Variants in ZCCHC7 observed in about 807,000 individuals in gnomAD.
ZCCHC7 encodes zinc finger CCHC-type containing 7.
In ZCCHC7, 35 loss-of-function variants were observed where a neutral mutation model predicts 52.0. The ratio of observed to expected loss-of-function variants is 0.67; its 90% CI spans 0.51 to 0.89. The LOEUF (loss-of-function observed/expected upper bound fraction) is 0.89. ZCCHC7 is among the 40% of genes least tolerant of loss of function. The probability of loss-of-function intolerance (pLI) is 0.00; values close to 1 mark genes in which losing one functional copy is unlikely to be tolerated. For synonymous variants in ZCCHC7, 217 were observed against 221.5 expected, an observed-to-expected ratio of 0.98 and a Z score of 0.18; for missense variants, 574 against 649.1, an observed-to-expected ratio of 0.88 and a Z score of 1.26.
chr9:37,277,650 A>G (rs1588597846), intron 2 of ZCCHC7, among the ~76,000 whole-genome samples: 1 of 152,188 alleles, frequency 6.6e-6, no homozygotes, highest in Admixed American at 6.5e-5. Context: ...TGGCTACACC[A>G]TGGGGGTGAT....
intron 2 of ZCCHC7, among the ~76,000 whole-genome samples, chr9:37,160,712 C>G (rs776781219): frequency 6.6e-6 from 1 of 151,924 alleles, no homozygotes; most frequent in Non-Finnish European, 1.5e-5. Context: ...GTGTTGAAAC[C>G]CCGTCTGTAC....
At chr9:37,321,846 C>T (rs180751462) in intron 5 of ZCCHC7, among the ~76,000 whole-genome samples, 7 of 152,116 alleles carry the variant, frequency 4.6e-5, no homozygotes, top group African/African-American at 9.7e-5. Context: ...TAGTTTAAAA[C>T]TTCTGGTTCC....
At chr9:37,155,768 G>A (rs980384015) in intron 2 of ZCCHC7, among the ~76,000 whole-genome samples, 6 of 152,186 alleles carry the variant, frequency 3.9e-5, no homozygotes, top group African/African-American at 1.2e-4. Flanking sequence ...TTCTCTTTAA[G>A]TAGTACAGAT....
chr9:37,209,330 A>G (rs969994190), intron 2 of ZCCHC7, among the ~76,000 whole-genome samples: 6 of 151,712 alleles, frequency 4.0e-5, no homozygotes, highest in Admixed American at 6.6e-5. Context: ...ATGAGCCACC[A>G]CGCCTGGCCA....
At position 37,164,578 on chromosome 9, in the gene ZCCHC7, GAAAGA is replaced by G. The variant is rs1456812845; in HGVS notation, c.610+37648_610+37652del. 3.9e-5 allele frequency among the ~76,000 whole-genome samples: 6 copies of G among 152,016 alleles called. 1 individual carries two copies. The South Asian group carries it at 6.2e-4, about 16-fold the overall frequency. ...GAGAAAGAAAAGAAAAGAGAGAAGA[GAAAGA>G]AAAGAAAAGAAGAAAAGAAACAGGG... On this transcript the variant is annotated intron_variant, in intron 2 of 8. Coordinates refer to ENST00000336755, the MANE Select transcript of ZCCHC7 (RefSeq NM_032226.3).
intron 2 of ZCCHC7, among the ~76,000 whole-genome samples, chr9:37,209,760 G>A (rs1045576551): frequency 1.3e-5 from 2 of 152,188 alleles, no homozygotes; most frequent in African/African-American, 4.8e-5. Flanking sequence ...AGCAGCATTA[G>A]GACTCTGGAG....
chr9:37,353,579 A>G (rs1821521146), intron 7 of ZCCHC7, among the ~76,000 whole-genome samples: 1 of 152,230 alleles, frequency 6.6e-6, no homozygotes, highest in Non-Finnish European at 1.5e-5. Context: ...GATTTCAGCT[A>G]TATCAGTAAT....
intron 2 of ZCCHC7, among the ~76,000 whole-genome samples, chr9:37,178,591 T>C (rs1220451620): frequency 1.3e-5 from 2 of 152,204 alleles, no homozygotes; most frequent in East Asian, 1.9e-4. Context: ...CTTATAGTTA[T>C]GATATAAAAG....
intron 2 of ZCCHC7, among the ~76,000 whole-genome samples, chr9:37,176,550 A>G (rs1822042631): frequency 6.6e-6 from 1 of 151,880 alleles, no homozygotes. Flanking sequence ...ATATATGTCA[A>G]TATATTTTGG....
intron 6 of ZCCHC7, among the ~76,000 whole-genome samples, chr9:37,336,985 C>T (rs1588689985): frequency 6.6e-6 from 1 of 152,206 alleles, no homozygotes; most frequent in African/African-American, 2.4e-5. Context: ...TGAATGGCAG[C>T]TCCTCTCCGG....
chr9:37,149,146 T>C (rs1205078359), intron 2 of ZCCHC7, among the ~76,000 whole-genome samples: 1 of 152,222 alleles, frequency 6.6e-6, no homozygotes, highest in Non-Finnish European at 1.5e-5. Flanking sequence ...TTTCTGCTTA[T>C]AGTTTTGTAA....
At chr9:37,305,170 A>G (rs1237761574) in intron 4 of ZCCHC7, among the ~76,000 whole-genome samples, 1 of 152,048 alleles carries the variant, frequency 6.6e-6, no homozygotes, top group African/African-American at 2.4e-5. Flanking sequence ...GACACCTCTT[A>G]TGCTCCTTTT....
At chr9:37,296,881 TTGTGTGTGTGTGTGTGTG>T (rs56378965) in intron 2 of ZCCHC7, among the ~76,000 whole-genome samples, 250 of 124,206 alleles carry the variant, frequency 2.0e-3, no homozygotes, top group African/African-American at 6.4e-3. Context: ...CCTGGCTAGT[TTGTGTGTGTGTGTGTGTG>T]TGTGTGTGTG....
intron 6 of ZCCHC7, among the ~76,000 whole-genome samples, chr9:37,341,643 A>G (rs1356578019): frequency 6.6e-6 from 1 of 152,180 alleles, no homozygotes. Flanking sequence ...TCTTTTTAAA[A>G]TAAAATGGCA....
chr9:37,306,500 C>G (rs1248519842), intron 5 of ZCCHC7, among the ~76,000 whole-genome samples: 2 of 151,702 alleles, frequency 1.3e-5, no homozygotes, highest in Non-Finnish European at 2.9e-5. Flanking sequence ...GAGTCTCGCT[C>G]TGTTGCCCAG....
chr9:37,230,310 A>G (rs1825336474), intron 2 of ZCCHC7, among the ~76,000 whole-genome samples: 1 of 152,378 alleles, frequency 6.6e-6, no homozygotes, highest in African/African-American at 2.4e-5. Context: ...TGTTTACACA[A>G]ACATGACCCC....
chr9:37,197,691 A>G (rs76125798), intron 2 of ZCCHC7, among the ~76,000 whole-genome samples: 13,017 of 152,208 alleles, frequency 0.086, 764 homozygotes, highest in Middle Eastern at 0.16. Context: ...TTTCCTATGC[A>G]GGAGTCCTCT....
intron 2 of ZCCHC7, among the ~76,000 whole-genome samples, chr9:37,257,589 T>G (rs1302124691): frequency 6.6e-6 from 1 of 152,184 alleles, no homozygotes; most frequent in Non-Finnish European, 1.5e-5. Flanking sequence ...TTATTTATTT[T>G]TTATTTTTAA....
intron 2 of ZCCHC7, among the ~76,000 whole-genome samples, chr9:37,282,604 C>CAAAA (rs60743608): frequency 9.5e-5 from 5 of 52,492 alleles, no homozygotes; most frequent in Admixed American, 2.0e-4. Context: ...GACTCTGTCT[C>CAAAA]AAAAAAAAAA....
Sources: gnomAD v4.1 joint callset for allele counts (sites outside exome capture counted in the v4.1 genomes callset) on GRCh38, gnomAD v4.1.1 for gene constraint, MANE v1.5 for transcripts, NCBI Gene and HGNC (gene_info 2026-07-23, HGNC 2026-07-21) for gene names.